RYR2: variants seen among roughly 807,000 people sequenced by gnomAD.
RYR2 encodes cardiac muscle ryanodine receptor-calcium release channel.
In RYR2, 227 loss-of-function variants were observed where a neutral mutation model predicts 601.1. The observed-to-expected ratio is 0.38, with a 90% confidence interval of 0.34 to 0.42. The LOEUF is 0.42. Among genes scored for constraint, RYR2 ranks in the 10% least tolerant of loss-of-function variants. The pLI, the probability that RYR2 is intolerant of heterozygous loss-of-function variation, is 1.00. For synonymous variants in RYR2, 2,223 were observed against 2,175.1 expected (o/e 1.02, Z -0.61); for missense variants, 4,646 against 6,156.5 (o/e 0.75, Z 8.21).
Position 237,590,642 on chromosome 1 carries a change from G to C in RYR2, c.3810G>C (p.Val1270=). The C allele has an allele frequency of 4.0e-6, 6 of 1,504,720 alleles. No individual in the cohort carries two copies. The highest frequency in any genetic ancestry group is 5.3e-6 in the Non-Finnish European group (6 of 1,127,070). 93.2% of individuals were successfully genotyped at this position (1,504,720 alleles called of 1,614,324 possible). ...QVPSNHEHIE[V]TRIDGTIDSS... Reference sequence around the variant, plus strand: ...ACTATCGCTTCTTCGTTTGCTAGGTGACCAGAATAGACGGCACCATAGACA... The same window carrying C: ...ACTATCGCTTCTTCGTTTGCTAGGTCACCAGAATAGACGGCACCATAGACA... Residue 1270 remains valine, a splice_region_variant and synonymous_variant, in exon 31 of 105, where the codon GTG becomes GTC. Coordinates refer to ENST00000366574, the MANE Select transcript of RYR2 (RefSeq NM_001035.3).
chr1:237,538,233 TA>T (rs962283567), intron 25 of RYR2, among the ~76,000 whole-genome samples: 185 of 135,946 alleles, frequency 1.4e-3, no homozygotes, highest in African/African-American at 1.9e-3. Context: ...CTACTAAAAA[TA>T]AAAAAAAAAA....
Position 237,498,000 on chromosome 1 carries a change from TA to T in RYR2, c.2203+1250del, listed in dbSNP as rs561942188. ...CCTCAGCCTCCTGAGTAGCTGAGAC[TA>T]ACAGGCTTGCACCACCATGCCCGGC... On this transcript the variant is annotated intron_variant, in intron 20 of 104. Coordinates refer to ENST00000366574, the MANE Select transcript of RYR2 (RefSeq NM_001035.3). Among the ~76,000 whole-genome samples the T allele has an allele frequency of 1.2e-3, 176 of 152,134 alleles. 1 individual carries two copies. Among genetic ancestry groups the T allele is most frequent in the African/African-American group, 3.9e-3 (163 of 41,506 alleles).
chr1:237,813,157 G>A (rs1482935650), intron 100 of RYR2, among the ~76,000 whole-genome samples: 1 of 152,102 alleles, frequency 6.6e-6, no homozygotes, highest in Non-Finnish European at 1.5e-5. Context: ...GAGGGGAGTG[G>A]GAGGCCAGGA....
At chr1:237,746,793 A>G (rs1367046882) in intron 80 of RYR2, among the ~76,000 whole-genome samples, 2 of 152,174 alleles carry the variant, frequency 1.3e-5, no homozygotes, top group Non-Finnish European at 2.9e-5. Flanking sequence ...TTTACCAGTT[A>G]CCTGAAAAAA....
intron 1 of RYR2, among the ~76,000 whole-genome samples, chr1:237,147,232 G>A (rs995556176): frequency 6.6e-6 from 1 of 151,964 alleles, no homozygotes; most frequent in African/African-American, 2.4e-5. Flanking sequence ...CAAATTAAAT[G>A]ATTTTTAGAG....
intron 1 of RYR2, among the ~76,000 whole-genome samples, chr1:237,150,170 C>T (rs959200147): frequency 3.9e-5 from 6 of 152,196 alleles, no homozygotes; most frequent in Admixed American, 6.5e-5. Flanking sequence ...AAATAACTTT[C>T]GCAAGGACAT....
At chr1:237,434,604 A>G (rs1255165588) in intron 12 of RYR2, among the ~76,000 whole-genome samples, 1 of 152,150 alleles carries the variant, frequency 6.6e-6, no homozygotes, top group South Asian at 2.1e-4. Context: ...AACCCTCCAG[A>G]TAAAATTTTT....
intron 1 of RYR2, among the ~76,000 whole-genome samples, chr1:237,185,733 G>A (rs1679273929): frequency 1.3e-5 from 2 of 152,130 alleles, no homozygotes; most frequent in Admixed American, 1.3e-4. Flanking sequence ...GATCAGTGCT[G>A]TGGAAATTCT....
intron 102 of RYR2, chr1:237,830,268 T>C (rs1200567752): frequency 8.5e-6 from 3 of 352,624 alleles, no homozygotes; most frequent in Non-Finnish European, 1.6e-5. Flanking sequence ...AGACGTTGCT[T>C]TTCAGCCATC....
chr1:237,734,390 A>G (rs1690953712), intron 79 of RYR2, among the ~76,000 whole-genome samples: 1 of 152,148 alleles, frequency 6.6e-6, no homozygotes, highest in Admixed American at 6.5e-5. Flanking sequence ...CATGAGGGAA[A>G]CCGTCCCCAT....
rs371928388 is a variant in RYR2 at position 237,500,739 on chromosome 1, A to C, written c.2232A>C (p.Pro744=). The part of the protein sequence containing the change: ...SGCIARTVSS[P]NQHLLRTDDV... Reference sequence around the variant, plus strand: ...GTATTGCTCGTACTGTAAGCTCACCAAACCAACATCTGTTAAGAACTGATG... The same window carrying C: ...GTATTGCTCGTACTGTAAGCTCACCCAACCAACATCTGTTAAGAACTGATG... Residue 744 remains proline (P), a synonymous_variant, in exon 21 of 105, where the codon CCA becomes CCC. Coordinates refer to ENST00000366574, the MANE Select transcript of RYR2 (RefSeq NM_001035.3). 6.2e-7 allele frequency: 1 copy of C among 1,611,916 alleles called. No homozygotes were observed. The highest frequency in any genetic ancestry group is 8.5e-7 in the Non-Finnish European group (1 of 1,178,106).
intron 2 of RYR2, among the ~76,000 whole-genome samples, chr1:237,310,723 C>T (rs1390439840): frequency 6.6e-6 from 1 of 152,134 alleles, no homozygotes; most frequent in African/African-American, 2.4e-5. Context: ...TGATTGAGTC[C>T]TGTCTCAGAT....
chr1:237,696,780 C>T (rs548821369), intron 63 of RYR2, among the ~76,000 whole-genome samples: 3 of 151,904 alleles, frequency 2.0e-5, no homozygotes, highest in African/African-American at 4.8e-5. Context: ...TTCCCGCTCA[C>T]CTCACATTCA....
rs748047013 is a variant in RYR2 at position 237,217,064 on chromosome 1, T to C, written c.49-53433T>C. Among the ~76,000 whole-genome samples the C allele has an allele frequency of 3.9e-5, 6 of 152,284 alleles. No individual in the cohort carries two copies. The East Asian group carries it at 7.7e-4, about 20-fold the overall frequency. ...ACAAATTGGAAGGGCTCCTACAAAATTGGTTAATTGGGATTAGACTATTTG... is the reference window on the plus strand; with the variant it reads ...ACAAATTGGAAGGGCTCCTACAAAACTGGTTAATTGGGATTAGACTATTTG... On this transcript the variant is annotated intron_variant, in intron 1 of 104. Transcript: ENST00000366574.
chr1:237,596,351 T>C (rs1468041474), intron 34 of RYR2, among the ~76,000 whole-genome samples: 3 of 152,220 alleles, frequency 2.0e-5, no homozygotes, highest in South Asian at 2.1e-4. Context: ...GAAATACATA[T>C]AGTAGAAAAG....
intron 5 of RYR2, among the ~76,000 whole-genome samples, chr1:237,367,255 C>T (rs1218733679): frequency 1.3e-5 from 2 of 151,994 alleles, no homozygotes; most frequent in Non-Finnish European, 2.9e-5. Context: ...GCCACCATGC[C>T]CAGCTAATTT....
At chr1:237,669,675 C>T (rs534152331) in intron 58 of RYR2, among the ~76,000 whole-genome samples, 1 of 151,870 alleles carries the variant, frequency 6.6e-6, no homozygotes, top group South Asian at 2.1e-4. Context: ...AGGCGGTCCC[C>T]ACATCTCAGA....
In RYR2 at chr1:237,801,237, A is replaced by AATGTT. The variant is rs1020047599; in HGVS notation, c.14091-616_14091-612dup. Among the ~76,000 whole-genome samples, 29 of 152,212 alleles carry AATGTT rather than the reference A, an allele frequency of 1.9e-4. 1 individual carries two copies. Among genetic ancestry groups the AATGTT allele is most frequent in the African/African-American group, 6.5e-4 (27 of 41,540 alleles). ...CAATTTAGTACAGTTTCAAGGAATA[A>AATGTT]ATGTTATATGTAGCTGGGCACAATG... On this transcript the variant is annotated intron_variant, in intron 97 of 104. Coordinates refer to ENST00000366574, the MANE Select transcript of RYR2 (RefSeq NM_001035.3).
chr1:237,444,642 A>G (rs1708177967), intron 13 of RYR2, among the ~76,000 whole-genome samples: 1 of 152,196 alleles, frequency 6.6e-6, no homozygotes, highest in Non-Finnish European at 1.5e-5. Flanking sequence ...GGATAGGAAG[A>G]GAGCACTAAG....
Sources: gnomAD v4.1 joint callset for allele counts (sites outside exome capture counted in the v4.1 genomes callset) on GRCh38, gnomAD v4.1.1 for gene constraint, MANE v1.5 for transcripts, NCBI Gene and HGNC (gene_info 2026-07-23, HGNC 2026-07-21) for gene names.